ACSL4: variants seen among roughly 807,000 people sequenced by gnomAD.
ACSL4 encodes acyl-CoA synthetase long chain family member 4, also known as long-chain-fatty-acid--CoA ligase 4.
ACSL4 carries 9 observed loss-of-function variants against 49.1 expected under a neutral mutation model. The ratio of observed to expected loss-of-function variants is 0.18; its 90% CI spans 0.11 to 0.32. The LOEUF (loss-of-function observed/expected upper bound fraction) is 0.32. ACSL4 is among the 10% of genes least tolerant of loss of function. The pLI is 1.00. For missense variants in ACSL4, 333 were observed against 493.7 expected, an observed-to-expected ratio of 0.67 and a Z score of 3.08; for synonymous variants, 191 against 170.3, an observed-to-expected ratio of 1.12 and a Z score of -0.95.
At chrX:109,723,250 TA>T (rs1927702924) in intron 1 of ACSL4, among the ~76,000 whole-genome samples, 2 of 111,425 alleles carry the variant, frequency 1.8e-5, no homozygotes, top group South Asian at 7.4e-4. Flanking sequence ...TTTGCTATAA[TA>T]GTAATCTGCA....
chrX:109,690,867 T>C (rs1419699810), intron 2 of ACSL4, among the ~76,000 whole-genome samples: 1 of 110,929 alleles, frequency 9.0e-6, no homozygotes, highest in Non-Finnish European at 1.9e-5. Flanking sequence ...AATAAGTATT[T>C]CATTCCAGTT....
intron 1 of ACSL4, among the ~76,000 whole-genome samples, chrX:109,714,826 T>C (rs1167921526): frequency 2.7e-5 from 3 of 112,060 alleles, no homozygotes; most frequent in Admixed American, 1.9e-4. Flanking sequence ...AATGATGAAA[T>C]TGCCTAACAA....
chrX:109,670,985 C>T (rs767996180), intron 9 of ACSL4, among the ~76,000 whole-genome samples: 24 of 112,441 alleles, frequency 2.1e-4, no homozygotes, highest in African/African-American at 6.5e-4. Flanking sequence ...CAACCTCCAC[C>T]TCCCAGCCGC....
At chrX:109,732,016 G>T (rs1928497311) in intron 1 of ACSL4, among the ~76,000 whole-genome samples, 1 of 112,487 alleles carries the variant, frequency 8.9e-6, no homozygotes, top group Non-Finnish European at 1.9e-5. Context: ...GGTTAAATTT[G>T]CATTATGCAG....
intron 1 of ACSL4, among the ~76,000 whole-genome samples, chrX:109,717,466 A>T (rs907987017): frequency 4.5e-5 from 5 of 110,907 alleles, no homozygotes; most frequent in Non-Finnish European, 1.9e-5. Flanking sequence ...ATTGCACTCC[A>T]GCCTGGGTGA....
intron 1 of ACSL4, among the ~76,000 whole-genome samples, chrX:109,716,717 CAG>C (rs1350382054): frequency 2.7e-5 from 3 of 111,938 alleles, no homozygotes; most frequent in Non-Finnish European, 5.6e-5. Context: ...CTCTTAACAA[CAG>C]ATTTAAAGAG....
intron 11 of ACSL4, among the ~76,000 whole-genome samples, chrX:109,666,232 TAAAC>T (rs1569422073): frequency 8.9e-6 from 1 of 112,114 alleles, no homozygotes; most frequent in Non-Finnish European, 1.9e-5. Context: ...CTTAGAGACT[TAAAC>T]AATGAATGTA....
intron 1 of ACSL4, among the ~76,000 whole-genome samples, chrX:109,714,634 CTA>C (rs1210298295): frequency 9.0e-6 from 1 of 111,300 alleles, no homozygotes; most frequent in African/African-American, 3.3e-5. Context: ...AGTACCTTTT[CTA>C]TGTTTAGATA....
Position 109,674,394 on chromosome X carries a change from G to A in ACSL4, c.1002+8C>T. 8.5e-7 allele frequency: 1 copy of A among 1,182,526 alleles called. No homozygotes were observed. On this transcript the variant is annotated splice_region_variant and intron_variant, in intron 9 of 15. Transcript: ENST00000672401. ...CCTCTTATGTTCATATTCATATTCT[G>A]TACTCACCGGAACAGCAGCCATAAG...
At chrX:109,722,350 T>C (rs192571846) in intron 1 of ACSL4, among the ~76,000 whole-genome samples, 100 of 112,015 alleles carry the variant, frequency 8.9e-4, no homozygotes, top group African/African-American at 2.9e-3. Context: ...AACTGAGATA[T>C]CATAGAAAAA....
chrX:109,730,729 C>T (rs1241990009), intron 1 of ACSL4, among the ~76,000 whole-genome samples: 2 of 112,440 alleles, frequency 1.8e-5, no homozygotes, highest in Non-Finnish European at 3.8e-5. Context: ...TGCGGTGGCG[C>T]GATCTCGGCT....
intron 1 of ACSL4, among the ~76,000 whole-genome samples, chrX:109,730,923 C>A (rs1928388687): frequency 9.0e-6 from 1 of 111,647 alleles, no homozygotes; most frequent in Admixed American, 9.5e-5. Flanking sequence ...GCCTCGGCCT[C>A]CCAAAGTGCT....
At chrX:109,651,013 G>T (rs1338773391) in intron 15 of ACSL4, among the ~76,000 whole-genome samples, 1 of 111,998 alleles carries the variant, frequency 8.9e-6, no homozygotes, top group Non-Finnish European at 1.9e-5. Context: ...AAAAACTGAT[G>T]CAATGAATAT....
At chrX:109,667,020 G>T (rs1237573848) in intron 11 of ACSL4, among the ~76,000 whole-genome samples, 2 of 112,056 alleles carry the variant, frequency 1.8e-5, no homozygotes, top group African/African-American at 6.5e-5. Flanking sequence ...ATGATCTGAT[G>T]ACATTTAAAG....
In ACSL4 at chrX:109,668,393, G is replaced by A. The variant is rs761859184; in HGVS notation, c.1143-120C>T. On this transcript the variant is annotated intron_variant, in intron 10 of 15. Transcript: ENST00000672401. Reference sequence around the variant, plus strand: ...TTGAACATCTCAATGTCAGAATCACGGTGAGAATGAGAGGTTAACAAGGCA... The same window carrying A: ...TTGAACATCTCAATGTCAGAATCACAGTGAGAATGAGAGGTTAACAAGGCA... 60 of 613,629 alleles carry A rather than the reference G, an allele frequency of 9.8e-5. No homozygotes were observed. In the South Asian group the frequency reaches 2.1e-3, roughly 21 times the overall value. 50.6% of individuals were successfully genotyped at this position (613,629 alleles called of 1,213,427 possible). A position where few individuals can be genotyped will look rare whatever the true frequency, so the allele number is the denominator to read the frequency against.
At chrX:109,653,533 C>G (rs1307920055) in intron 15 of ACSL4, among the ~76,000 whole-genome samples, 1 of 111,084 alleles carries the variant, frequency 9.0e-6, no homozygotes, top group African/African-American at 3.3e-5. Context: ...CTATTCACAA[C>G]AGCAAAGACT....
At chrX:109,669,491 T>A (rs1417988167) in intron 9 of ACSL4, among the ~76,000 whole-genome samples, 1 of 109,715 alleles carries the variant, frequency 9.1e-6, no homozygotes, top group African/African-American at 3.3e-5. Flanking sequence ...CCTCCTGGGT[T>A]CATCCCATTC....
chrX:109,691,077 G>C (rs1400246817), intron 2 of ACSL4, among the ~76,000 whole-genome samples: 1 of 111,893 alleles, frequency 8.9e-6, no homozygotes, highest in Non-Finnish European at 1.9e-5. Flanking sequence ...TTAATGCCAA[G>C]ATATTTTTTC....
intron 9 of ACSL4, among the ~76,000 whole-genome samples, chrX:109,672,353 G>C (rs2147420579): frequency 9.0e-6 from 1 of 110,903 alleles, no homozygotes; most frequent in South Asian, 3.8e-4. Flanking sequence ...CATGTCTACT[G>C]CTCCTTCCAG....
Sources: gnomAD v4.1 joint callset for allele counts (sites outside exome capture counted in the v4.1 genomes callset) on GRCh38, gnomAD v4.1.1 for gene constraint, MANE v1.5 for transcripts, NCBI Gene and HGNC (gene_info 2026-07-23, HGNC 2026-07-21) for gene names.